The following ZNF141 variants were observed in gnomAD, a reference collection of about 807,000 sequenced individuals.
The protein encoded by ZNF141 is zinc finger protein 141 (clone pHZ-44).
A neutral mutation model predicts 11.3 loss-of-function variants in ZNF141; 7 were observed. The observed-to-expected ratio is 0.62, with a 90% CI of 0.35 to 1.16. The LOEUF (loss-of-function observed/expected upper bound fraction) is 1.16. Among genes scored for constraint, ZNF141 ranks in the 50% most tolerant of loss-of-function variants. The pLI is 0.02. For missense variants in ZNF141, 535 were observed against 554.0 expected (o/e 0.97, Z 0.34); for synonymous variants, 183 against 190.7 (o/e 0.96, Z 0.33).
chr4:337,858 T>G lies in ZNF141; in HGVS notation c.-126T>G, dbSNP rs562079333. The G allele has an allele frequency of 4.7e-4, 623 of 1,322,820 alleles. No homozygotes were observed. Among genetic ancestry groups the G allele is most frequent in the Non-Finnish European group, 5.8e-4 (537 of 930,186 alleles). The allele number at this position is 1,322,820 out of a possible 1,614,324, so 81.9% of individuals were successfully genotyped here. A position where few individuals can be genotyped will look rare whatever the true frequency, so the allele number is the denominator to read the frequency against. On this transcript the variant is annotated 5_prime_UTR_variant, in exon 1 of 4. Coordinates refer to ENST00000240499, the MANE Select transcript of ZNF141 (RefSeq NM_003441.4). The stretch of plus-strand genomic sequence containing the variant: ...ACCAGACCGCGGGTTAGGGGCTTCA[T>G]CTCTCTGCGTTCTCAGTTGTGGGAG...
chr4:357,367 C>T (rs1354324725), intron 3 of ZNF141, among the ~76,000 whole-genome samples: 2 of 149,816 alleles, frequency 1.3e-5, no homozygotes, highest in Non-Finnish European at 1.5e-5. Flanking sequence ...TGCAGTGAGC[C>T]GAGATGTCAC....
chr4:337,921 C>T lies in ZNF141; in HGVS notation c.-63C>T. On this transcript the variant is annotated 5_prime_UTR_variant, in exon 1 of 4. Transcript: ENST00000240499. ...CGGCCACAGCTCAGCCTCCGTCGCT[C>T]TGTGACCTGCGGGTATTGGATGATT... 4.4e-6 allele frequency: 7 copies of T among 1,607,692 alleles called. No homozygotes were observed. Among genetic ancestry groups the T allele is most frequent in the Non-Finnish European group, 6.0e-6 (7 of 1,175,680 alleles).
chr4:372,954 T>A lies in ZNF141; in HGVS notation c.517T>A (p.Phe173Ile), dbSNP rs1712148146. ...GACAAGACATACTGGAGAGAAACAC[T>A]TTAAAGAATGTGGCAAATCATTTCA... ...RKTRHTGEKH[F>I]KECGKSFQKF... is the part of the protein sequence containing the mutation. Residue 173 changes from phenylalanine to isoleucine, a missense_variant, in exon 4 of 4, where the codon TTT becomes ATT. Coordinates refer to ENST00000240499, the MANE Select transcript of ZNF141 (RefSeq NM_003441.4). The A allele has an allele frequency of 1.2e-6, 2 of 1,613,996 alleles. No homozygotes were observed. Among genetic ancestry groups the A allele is most frequent in the African/African-American group, 2.7e-5 (2 of 74,934 alleles).
chr4:367,846 TGTC>T (rs1481555754), intron 3 of ZNF141, among the ~76,000 whole-genome samples: 1 of 152,202 alleles, frequency 6.6e-6, no homozygotes, highest in Non-Finnish European at 1.5e-5. Flanking sequence ...CAAAGTTTGT[TGTC>T]ATAATTTAAG....
chr4:358,228 C>T (rs1486151685), intron 3 of ZNF141: 1 of 384,250 alleles, frequency 2.6e-6, no homozygotes, highest in Non-Finnish European at 5.0e-6. Flanking sequence ...GCTCTTGTCA[C>T]CCAGACTGGA....
At chr4:342,944 C>T in intron 1 of ZNF141, 1 of 1,540,630 alleles carries the variant, frequency 6.5e-7, no homozygotes. Context: ...TCAATTATCT[C>T]CTGATCCAAG....
intron 3 of ZNF141, among the ~76,000 whole-genome samples, chr4:369,443 G>A (rs962076310): frequency 9.2e-5 from 14 of 151,970 alleles, no homozygotes; most frequent in Admixed American, 2.0e-4. Context: ...AGTGACTCTT[G>A]TAGAAAAACA....
At chr4:346,181 G>A (rs1456737278) in intron 3 of ZNF141, among the ~76,000 whole-genome samples, 1 of 152,182 alleles carries the variant, frequency 6.6e-6, no homozygotes, top group Non-Finnish European at 1.5e-5. Context: ...GAGTTTAATT[G>A]ATAACCAGAG....
intron 3 of ZNF141, among the ~76,000 whole-genome samples, chr4:345,388 T>C (rs1721271633): frequency 6.6e-6 from 1 of 152,222 alleles, no homozygotes; most frequent in African/African-American, 2.4e-5. Flanking sequence ...TTTGAAATTA[T>C]AATATAGTTT....
At chr4:342,774 G>A (rs1553848715) in intron 1 of ZNF141, 2 of 1,515,504 alleles carry the variant, frequency 1.3e-6, no homozygotes, top group South Asian at 1.1e-5. Flanking sequence ...GATTGTTGTT[G>A]TCCCAGATTT....
At chr4:354,391 T>C (rs1721752511) in intron 3 of ZNF141, among the ~76,000 whole-genome samples, 1 of 152,218 alleles carries the variant, frequency 6.6e-6, no homozygotes, top group African/African-American at 2.4e-5. Context: ...TTTTTGGGTG[T>C]GGTTATTGTA....
intron 3 of ZNF141, among the ~76,000 whole-genome samples, chr4:364,673 A>C (rs1711652352): frequency 6.6e-6 from 1 of 152,120 alleles, no homozygotes. Context: ...AGAGCGGCAA[A>C]TATTGCTGCC....
chr4:369,158 T>TAC lies in ZNF141; in HGVS notation c.227-3489_227-3488dup, dbSNP rs57543494. On this transcript the variant is annotated intron_variant, in intron 3 of 3. Coordinates refer to ENST00000240499, the MANE Select transcript of ZNF141 (RefSeq NM_003441.4). ...GTATATTTTGAACCCTAGTGTAAGA[T>TAC]ACACACACACACACACACTCACACA... Among the ~76,000 whole-genome samples the TAC allele has an allele frequency of 2.9e-3, 442 of 151,072 alleles. 5 individuals are homozygous for TAC. In the Middle Eastern group the frequency reaches 0.048, roughly 16 times the overall value.
chr4:338,767 G>A (rs530780135), intron 1 of ZNF141, among the ~76,000 whole-genome samples: 32 of 152,336 alleles, frequency 2.1e-4, no homozygotes, highest in African/African-American at 7.2e-4. Context: ...TGGGGTCTGT[G>A]CTGACTCCGG....
rs1712229177 is a variant in ZNF141, at chr4:373,998, A to G, written c.*136A>G. The G allele has an allele frequency of 1.3e-6, 1 of 766,128 alleles. No individual in the cohort carries two copies. The highest frequency in any genetic ancestry group is 1.7e-5 in the African/African-American group (1 of 57,192). 47.5% of individuals were successfully genotyped at this position (766,128 alleles called of 1,614,324 possible). A position where few individuals can be genotyped will look rare whatever the true frequency, so the allele number is the denominator to read the frequency against. The stretch of plus-strand genomic sequence containing the variant: ...GGCAAAGTTCTTTACCTCATTCTCA[A>G]ACCTTGATAAACATAAGAGAATTCA... On this transcript the variant is annotated 3_prime_UTR_variant, in exon 4 of 4. Coordinates refer to ENST00000240499, the MANE Select transcript of ZNF141 (RefSeq NM_003441.4).
intron 3 of ZNF141, among the ~76,000 whole-genome samples, chr4:350,920 T>G (rs1721565752): frequency 6.6e-6 from 1 of 151,636 alleles, no homozygotes; most frequent in Admixed American, 6.6e-5. Context: ...TTTGTACTTT[T>G]TTTTTTTTTT....
chr4:343,645 A>C (rs1243443269), intron 1 of ZNF141, 137 bp from the exon 2 acceptor site: 3 of 1,028,654 alleles, frequency 2.9e-6, no homozygotes, highest in Non-Finnish European at 3.9e-6. Context: ...GAATGGTGTG[A>C]ACCTGGGAGG....
Position 381,495 on chromosome 4 carries a change from G to A in ZNF141, c.*7633G>A, listed in dbSNP as rs1349208694. On this transcript the variant is annotated 3_prime_UTR_variant, in exon 4 of 4. Coordinates refer to ENST00000240499, the MANE Select transcript of ZNF141 (RefSeq NM_003441.4). The stretch of plus-strand genomic sequence containing the variant: ...GCAATCTCGGCTCACTGCAACCTCC[G>A]CCTCCTGGGTTCACACAATTTGCCT... 7.9e-6 allele frequency among the ~76,000 whole-genome samples: 1 copy of A among 127,300 alleles called. No individual in the cohort carries two copies. Among genetic ancestry groups the A allele is most frequent in the Non-Finnish European group, 1.6e-5 (1 of 64,068 alleles). The allele number at this position is 127,300 out of a possible 152,430, so 83.5% of individuals were successfully genotyped here.
chr4:371,728 G>C (rs1337072042), intron 3 of ZNF141, among the ~76,000 whole-genome samples: 2 of 151,098 alleles, frequency 1.3e-5, no homozygotes, highest in East Asian at 3.9e-4. Context: ...TTTTAGTAGG[G>C]ACGGTGATTC....
Sources: gnomAD v4.1 joint callset for allele counts (sites outside exome capture counted in the v4.1 genomes callset) on GRCh38, gnomAD v4.1.1 for gene constraint, MANE v1.5 for transcripts, NCBI Gene and HGNC (gene_info 2026-07-23, HGNC 2026-07-21) for gene names.